Variants in PHF14 observed in about 807,000 individuals in gnomAD.
PHF14 encodes the protein PHD finger protein 14.
Under a neutral mutation model 117.9 loss-of-function variants are expected in PHF14, and 55 were observed. The ratio of observed to expected loss-of-function variants is 0.47; its 90% CI spans 0.38 to 0.58. PHF14 has a LOEUF of 0.58. PHF14 is among the 20% of genes least tolerant of loss of function. PHF14 has a pLI of 0.00. For synonymous variants in PHF14, 409 were observed against 368.6 expected (o/e 1.11, Z -1.26); for missense variants, 978 against 1,122.2 (o/e 0.87, Z 1.84).
At chr7:11,138,040 TC>T (rs1307377477) in intron 17 of PHF14, among the ~76,000 whole-genome samples, 3 of 116,506 alleles carry the variant, frequency 2.6e-5, no homozygotes, top group Non-Finnish European at 5.3e-5. Context: ...GAAAAATACT[TC>T]TTTTTTTTTT....
rs575666750 is a variant in PHF14, at chr7:11,050,074, GTAA to G, written c.2313-1532_2313-1530del. On this transcript the variant is annotated intron_variant, in intron 13 of 17. Transcript: ENST00000634607. ...ACGTTAAGGATTAATTTGTATTTTA[GTAA>G]TAATATGTTTGCATTAACAAAACAA... Among the ~76,000 whole-genome samples, 270 of 152,102 alleles carry G rather than the reference GTAA, an allele frequency of 1.8e-3. 1 individual carries two copies. The highest frequency in any genetic ancestry group is 3.1e-3 in the Non-Finnish European group (212 of 67,978).
intron 16 of PHF14, among the ~76,000 whole-genome samples, chr7:11,084,292 A>G (rs1047997786): frequency 3.9e-5 from 6 of 152,246 alleles, no homozygotes; most frequent in African/African-American, 1.4e-4. Context: ...CAATTAGAAC[A>G]TAAGTATTAC....
At chr7:11,044,573 G>A (rs750393913) in intron 13 of PHF14, among the ~76,000 whole-genome samples, 55 of 152,250 alleles carry the variant, frequency 3.6e-4, no homozygotes, top group Middle Eastern at 6.8e-3. Context: ...TTTGGAGTGT[G>A]CAAGATTCAG....
intron 16 of PHF14, chr7:11,106,563 G>C: frequency 8.1e-6 from 8 of 983,576 alleles, no homozygotes; most frequent in Non-Finnish European, 9.7e-6. Flanking sequence ...TATTTGTAAA[G>C]TGATTTAACT....
intron 16 of PHF14, among the ~76,000 whole-genome samples, chr7:11,070,646 C>A (rs1299175353): frequency 6.6e-6 from 1 of 152,190 alleles, no homozygotes; most frequent in Non-Finnish European, 1.5e-5. Flanking sequence ...GTCCTTGGAA[C>A]CCTCATAAAA....
At chr7:10,976,776 T>G (rs118099360) in intron 2 of PHF14, among the ~76,000 whole-genome samples, 2,610 of 151,158 alleles carry the variant, frequency 0.017, 45 homozygotes, top group Non-Finnish European at 0.023. Flanking sequence ...GGTTGATATA[T>G]CTATATATCC....
intron 17 of PHF14, among the ~76,000 whole-genome samples, chr7:11,122,428 C>T (rs1388499445): frequency 4.2e-5 from 5 of 118,336 alleles, no homozygotes; most frequent in South Asian, 2.5e-4. Flanking sequence ...TATATATACA[C>T]GTATATATAT....
intron 16 of PHF14, chr7:11,062,598 C>T (rs1472003584): frequency 1.5e-6 from 1 of 645,430 alleles, no homozygotes; most frequent in African/African-American, 2.0e-5. Context: ...AAAAGATGGC[C>T]TAGGTTGATT....
chr7:11,033,249 G>C (rs1784183762), intron 7 of PHF14, among the ~76,000 whole-genome samples: 1 of 152,196 alleles, frequency 6.6e-6, no homozygotes, highest in Non-Finnish European at 1.5e-5. Flanking sequence ...AAACGAAGAA[G>C]TTGAATTCAC....
At chr7:11,080,409 T>G (rs1259302012) in intron 16 of PHF14, among the ~76,000 whole-genome samples, 1 of 152,102 alleles carries the variant, frequency 6.6e-6, no homozygotes, top group Non-Finnish European at 1.5e-5. Context: ...TTCATAAAAG[T>G]TGCAATTTCA....
intron 17 of PHF14, among the ~76,000 whole-genome samples, chr7:11,159,146 A>G (rs1228461040): frequency 6.6e-6 from 1 of 152,072 alleles, no homozygotes; most frequent in East Asian, 1.9e-4. Flanking sequence ...TATGTAGGTA[A>G]TATTATTTTC....
At chr7:10,994,338 C>G (rs1782558400) in intron 4 of PHF14, among the ~76,000 whole-genome samples, 1 of 152,136 alleles carries the variant, frequency 6.6e-6, no homozygotes, top group Non-Finnish European at 1.5e-5. Flanking sequence ...ACTCAGGAGT[C>G]TGAGGCAGGA....
chr7:11,078,421 A>G (rs1785950472), intron 16 of PHF14, among the ~76,000 whole-genome samples: 1 of 152,168 alleles, frequency 6.6e-6, no homozygotes, highest in South Asian at 2.1e-4. Flanking sequence ...AATTTTGGTT[A>G]AGTCTCTGCC....
At chr7:11,029,029 G>A (rs766474452) in intron 7 of PHF14, among the ~76,000 whole-genome samples, 30 of 152,058 alleles carry the variant, frequency 2.0e-4, no homozygotes, top group Non-Finnish European at 3.2e-4. Context: ...AATTTTTATA[G>A]TGAGATCTGA....
At chr7:11,161,560 G>C (rs1188571706) in intron 17 of PHF14, among the ~76,000 whole-genome samples, 1 of 151,678 alleles carries the variant, frequency 6.6e-6, no homozygotes, top group African/African-American at 2.4e-5. Context: ...ACTGTAATTT[G>C]ACTAGTGATC....
intron 6 of PHF14, 58 bp from the exon 7 acceptor site, chr7:11,028,623 G>A: frequency 3.3e-6 from 5 of 1,494,542 alleles, no homozygotes; most frequent in Non-Finnish European, 4.6e-6. Context: ...GTATGAGAAT[G>A]CAGTCTTTAG....
chr7:11,167,545 A>G (rs1394713671), intron 17 of PHF14, among the ~76,000 whole-genome samples: 1 of 152,154 alleles, frequency 6.6e-6, no homozygotes, highest in Non-Finnish European at 1.5e-5. Flanking sequence ...GTCCTGTTAG[A>G]TGGTAGGAAT....
chr7:11,041,362 C>T (rs960281473), intron 12 of PHF14, among the ~76,000 whole-genome samples: 12 of 151,716 alleles, frequency 7.9e-5, no homozygotes, highest in South Asian at 6.2e-4. Flanking sequence ...AAATAGGTTA[C>T]GATCTCACTT....
At chr7:11,067,609 A>G (rs978101188) in intron 16 of PHF14, among the ~76,000 whole-genome samples, 4 of 152,232 alleles carry the variant, frequency 2.6e-5, no homozygotes, top group Admixed American at 6.5e-5. Context: ...ATATATGTAT[A>G]TTCTCTTAGT....
Sources: gnomAD v4.1 joint callset for allele counts (sites outside exome capture counted in the v4.1 genomes callset) on GRCh38, gnomAD v4.1.1 for gene constraint, MANE v1.5 for transcripts, NCBI Gene and HGNC (gene_info 2026-07-23, HGNC 2026-07-21) for gene names.